SLC9C1: variants seen among roughly 807,000 people sequenced by gnomAD.
SLC9C1 encodes the protein solute carrier family 9 member C1.
Under a neutral mutation model 140.9 loss-of-function variants are expected in SLC9C1, and 97 were observed. That is an observed-to-expected ratio of 0.69 (90% CI 0.58 to 0.82). The LOEUF (loss-of-function observed/expected upper bound fraction) is 0.82. Ranked by LOEUF, SLC9C1 falls within the 40% of genes least tolerant of loss-of-function variation. SLC9C1 has a pLI of 0.00. For synonymous variants in SLC9C1, 440 were observed against 442.6 expected, an observed-to-expected ratio of 0.99 and a Z score of 0.07; for missense variants, 1,340 against 1,389.3, an observed-to-expected ratio of 0.96 and a Z score of 0.56.
At chr3:112,183,169 A>AT (rs1485710228) in intron 20 of SLC9C1, among the ~76,000 whole-genome samples, 1 of 151,912 alleles carries the variant, frequency 6.6e-6, no homozygotes, top group Non-Finnish European at 1.5e-5. Flanking sequence ...ACTGCCAAAT[A>AT]TTTTTTCAAA....
intron 17 of SLC9C1, 29 bp downstream of exon 17, chr3:112,204,189 A>G: frequency 7.0e-7 from 1 of 1,438,770 alleles, no homozygotes; most frequent in Non-Finnish European, 9.1e-7. Flanking sequence ...AGTAGGAATT[A>G]GAAATTGCAC....
In SLC9C1 at chr3:112,239,950, A is replaced by G. The variant is rs746767789; in HGVS notation, c.1336T>C (p.Phe446Leu). The G allele has an allele frequency of 2.5e-6, 4 of 1,613,790 alleles. No homozygotes were observed. In the East Asian group the frequency reaches 8.9e-5, roughly 36 times the overall value. The change falls in exon 12 of 29, where the codon TTT becomes CTT. Residue 446 changes from phenylalanine to leucine, a missense_variant. Phe to Leu is a conservative substitution (Grantham distance 22, BLOSUM62 0). Transcript: ENST00000305815. ...GCTGCAGACTTGGTTAGCTCTTGAAAGTGTTGAAATGTGCAACAAACCGAT... is the reference window on the plus strand; with the variant it reads ...GCTGCAGACTTGGTTAGCTCTTGAAGGTGTTGAAATGTGCAACAAACCGAT... ...YKSVCCTFQH[F>L]QELTKSAASA...
At chr3:112,231,286 G>A (rs887806612) in intron 13 of SLC9C1, 75 bp downstream of exon 13, 2 of 1,551,714 alleles carry the variant, frequency 1.3e-6, no homozygotes, top group East Asian at 2.3e-5. Flanking sequence ...GCATGATCAA[G>A]ATGTCTTTAT....
At chr3:112,263,381 C>T (rs749175091) in intron 9 of SLC9C1, among the ~76,000 whole-genome samples, 70 of 151,800 alleles carry the variant, frequency 4.6e-4, no homozygotes, top group African/African-American at 9.2e-4. Flanking sequence ...AAGAAAAGTT[C>T]GAGATGTGTT....
intron 1 of SLC9C1, among the ~76,000 whole-genome samples, chr3:112,293,883 G>C (rs1182557291): frequency 6.6e-6 from 1 of 152,208 alleles, no homozygotes; most frequent in Non-Finnish European, 1.5e-5. Flanking sequence ...CAGCTAAGGG[G>C]TAGAAGTTCA....
intron 12 of SLC9C1, among the ~76,000 whole-genome samples, chr3:112,238,276 C>A (rs536754178): frequency 6.6e-6 from 1 of 152,130 alleles, no homozygotes; most frequent in Non-Finnish European, 1.5e-5. Flanking sequence ...GCATTCGTCA[C>A]GTAGTTCTCG....
intron 11 of SLC9C1, among the ~76,000 whole-genome samples, chr3:112,241,697 T>C (rs2079142816): frequency 6.6e-6 from 1 of 152,198 alleles, no homozygotes; most frequent in African/African-American, 2.4e-5. Context: ...GACTTCAAAC[T>C]ATACTACTAG....
chr3:112,179,713 CAAAG>C lies in SLC9C1; in HGVS notation c.2749-16_2749-13del. ...TTTGATTTTTCAAGCTGTTCAGGAA[CAAAG>C]AAAGAGAAAAATACATATGCCAGTT... On this transcript the variant is annotated splice_polypyrimidine_tract_variant and intron_variant, in intron 22 of 28. Coordinates refer to ENST00000305815, the MANE Select transcript of SLC9C1 (RefSeq NM_183061.3). 6.4e-7 allele frequency: 1 copy of C among 1,568,666 alleles called. No individual in the cohort carries two copies. The highest frequency in any genetic ancestry group is 8.6e-7 in the Non-Finnish European group (1 of 1,165,028).
intron 3 of SLC9C1, among the ~76,000 whole-genome samples, chr3:112,279,715 A>G (rs1431831496): frequency 6.6e-6 from 1 of 152,208 alleles, no homozygotes; most frequent in Non-Finnish European, 1.5e-5. Context: ...GGCCAGATAT[A>G]TAACCCAATG....
At chr3:112,169,386 A>T (rs1001429992) in intron 23 of SLC9C1, 58 bp from the exon 24 acceptor site, 3 of 1,531,140 alleles carry the variant, frequency 2.0e-6, no homozygotes, top group Admixed American at 2.1e-5. Context: ...TTTAAGGAAT[A>T]AAGTTTTTTT....
chr3:112,158,168 C>G (rs2075180577), intron 26 of SLC9C1, among the ~76,000 whole-genome samples: 1 of 151,874 alleles, frequency 6.6e-6, no homozygotes, highest in African/African-American at 2.4e-5. Context: ...ACATATGTCA[C>G]ATTTATTGTG....
At chr3:112,204,151 A>C (rs2077979283) in intron 17 of SLC9C1, 67 bp downstream of exon 17, 1 of 1,342,758 alleles carries the variant, frequency 7.4e-7, no homozygotes, top group African/African-American at 1.5e-5. Flanking sequence ...TAGTAAACTA[A>C]TTTTACTCTA....
At chr3:112,292,682 T>G (rs969519251) in intron 1 of SLC9C1, among the ~76,000 whole-genome samples, 2 of 152,064 alleles carry the variant, frequency 1.3e-5, no homozygotes, top group East Asian at 3.9e-4. Context: ...TAGCTGGGAC[T>G]ACAGGCGCCA....
At chr3:112,221,259 A>G in intron 13 of SLC9C1, 34 bp from the exon 14 acceptor site, 1 of 1,528,276 alleles carries the variant, frequency 6.5e-7, no homozygotes, top group Non-Finnish European at 9.0e-7. Flanking sequence ...ATTATATAGC[A>G]TGAATAACGA....
chr3:112,286,846 T>C lies in SLC9C1; in HGVS notation c.-55A>G. 1 of 1,252,790 alleles carries C rather than the reference T, an allele frequency of 8.0e-7. No homozygotes were observed. Among genetic ancestry groups the C allele is most frequent in the East Asian group, 2.5e-5 (1 of 40,424 alleles). The allele number at this position is 1,252,790 out of a possible 1,614,324, so 77.6% of individuals were successfully genotyped here. On this transcript the variant is annotated 5_prime_UTR_variant, in exon 2 of 29. The change abolishes an upstream ATG in the 5' untranslated region. Transcript: ENST00000305815. ...GTTAGAAGCAATCTCCATATGATCA[T>C]CCATCTTGTTGTTTTTCACAGTCCA...
intron 27 of SLC9C1, among the ~76,000 whole-genome samples, chr3:112,153,131 G>C (rs890076840): frequency 6.6e-6 from 1 of 152,116 alleles, no homozygotes; most frequent in Non-Finnish European, 1.5e-5. Flanking sequence ...GGGAGAAGAA[G>C]CATCTACTAA....
intron 16 of SLC9C1, 122 bp from the exon 17 acceptor site, chr3:112,204,525 C>A (rs1029609293): frequency 1.0e-6 from 1 of 964,596 alleles, no homozygotes; most frequent in South Asian, 1.8e-5. Context: ...TATGAAATAT[C>A]CTCAGGAAAC....
chr3:112,269,861 T>G, intron 7 of SLC9C1, 55 bp downstream of exon 7: 2 of 1,407,252 alleles, frequency 1.4e-6, no homozygotes, highest in Non-Finnish European at 1.9e-6. Context: ...TTTCATATAT[T>G]TTTATTTTGA....
At chr3:112,141,519 C>G (rs960003347) in intron 28 of SLC9C1, among the ~76,000 whole-genome samples, 1 of 151,996 alleles carries the variant, frequency 6.6e-6, no homozygotes, top group East Asian at 1.9e-4. Flanking sequence ...GCCACTGAAG[C>G]GTGCTAAAAT....
Sources: gnomAD v4.1 joint callset for allele counts (sites outside exome capture counted in the v4.1 genomes callset) on GRCh38, gnomAD v4.1.1 for gene constraint, MANE v1.5 for transcripts, NCBI Gene and HGNC (gene_info 2026-07-23, HGNC 2026-07-21) for gene names.